Variants in TRPM4 observed in about 807,000 individuals in gnomAD.
TRPM4 encodes the protein calcium-activated non-selective cation channel 1.
In TRPM4, 124 loss-of-function variants were observed where a neutral mutation model predicts 135.6. The observed-to-expected ratio is 0.91, with a 90% confidence interval of 0.79 to 1.06. The LOEUF (loss-of-function observed/expected upper bound fraction) is 1.06. TRPM4 is among the 50% of genes least tolerant of loss of function. The pLI is 0.00. For synonymous variants in TRPM4, 745 were observed against 705.6 expected (o/e 1.06, Z -0.88); for missense variants, 1,658 against 1,671.4 (o/e 0.99, Z 0.14).
rs1365858334 is a variant in TRPM4 at position 49,188,894 on chromosome 19, C to A, written c.1874-52C>A. On this transcript the variant is annotated intron_variant, in intron 13 of 24. Transcript: ENST00000252826. ...AATTCCCTTACCTCTCCCTTCACAC[C>A]CTCACCCTACTCCTTCCCATCCCTG... The A allele has an allele frequency of 3.1e-6, 5 of 1,613,414 alleles. No homozygotes were observed. The East Asian group carries it at 6.7e-5, about 22-fold the overall frequency.
rs774339771 is a variant in TRPM4 at position 49,196,883 on chromosome 19, C to A, written c.2645+9C>A. On this transcript the variant is annotated intron_variant, in intron 17 of 24. Transcript: ENST00000252826. ...CTGGGCGTGGGCTGCCGGTGAGTGC[C>A]CCGGGGCCTTGGAACCCTGGCCCCT... 6 of 1,570,744 alleles carry A rather than the reference C, an allele frequency of 3.8e-6. No individual in the cohort carries two copies. The highest frequency in any genetic ancestry group is 2.0e-4 in the Middle Eastern group (1 of 4,900).
intron 9 of TRPM4, among the ~76,000 whole-genome samples, chr19:49,174,256 G>A (rs1022679500): frequency 4.6e-5 from 7 of 152,100 alleles, no homozygotes; most frequent in African/African-American, 9.7e-5. Flanking sequence ...GGGTTCAAGC[G>A]ATTCTCCTGC....
chr19:49,197,641 G>C (rs1968746826), intron 17 of TRPM4, among the ~76,000 whole-genome samples: 1 of 150,398 alleles, frequency 6.6e-6, no homozygotes, highest in Non-Finnish European at 1.5e-5. Flanking sequence ...GATACAACCT[G>C]GTGACTGGTT....
intron 20 of TRPM4, among the ~76,000 whole-genome samples, chr19:49,207,852 A>G (rs1969206136): frequency 6.6e-6 from 1 of 152,036 alleles, no homozygotes; most frequent in Non-Finnish European, 1.5e-5. Context: ...AAAGAGATCA[A>G]AGAAAAGACA....
intron 16 of TRPM4, among the ~76,000 whole-genome samples, chr19:49,195,355 T>TTTC (rs748392398): frequency 7.7e-4 from 117 of 152,198 alleles, no homozygotes; most frequent in African/African-American, 2.7e-3. Context: ...TCTATGGTCT[T>TTTC]TTCTTCTTCT....
rs1967293399 is a variant in TRPM4 at position 49,168,026 on chromosome 19, G to T, written c.377G>T (p.Gly126Val). 5 of 1,613,216 alleles carry T rather than the reference G, an allele frequency of 3.1e-6. No individual in the cohort carries two copies. The South Asian group carries it at 5.5e-5, about 18-fold the overall frequency. The stretch of plus-strand genomic sequence containing the variant: ...GTGGTGTCAGTGCTGGGGGGATCGG[G>T]GGGCCCCGTCCTCCAGACCTGGCTG... ...NLVVSVLGGSGGPVLQTWLQD... is the reference protein window; with the variant it reads ...NLVVSVLGGSVGPVLQTWLQD... Residue 126 changes from glycine to valine, a missense_variant, in exon 4 of 25, where the codon GGG (glycine) becomes GTG (valine). This residue lies in a region of TRPM4 where 239 missense variants were observed against 240.1 expected (regional missense o/e 1.00). Transcript: ENST00000252826.
At chr19:49,195,469 C>G (rs1968595350) in intron 16 of TRPM4, among the ~76,000 whole-genome samples, 1 of 152,182 alleles carries the variant, frequency 6.6e-6, no homozygotes, top group Admixed American at 6.6e-5. Context: ...CTCCCGGGTT[C>G]AAGCGATTCT....
At chr19:49,182,456 CCATCCATCCATCCAT>C (rs1968009761) in intron 10 of TRPM4, 107 bp from the exon 11 acceptor site, 11 of 274,084 alleles carry the variant, frequency 4.0e-5, no homozygotes, top group East Asian at 4.0e-4. Context: ...ATCCACCCAT[CCATCCATCCATCCAT>C]CCATCCATCC....
intron 12 of TRPM4, among the ~76,000 whole-genome samples, chr19:49,187,513 T>TA (rs543057028): frequency 0.023 from 3,381 of 145,202 alleles, 112 homozygotes; most frequent in African/African-American, 0.078. Flanking sequence ...CCTGGCTAAC[T>TA]AAAAAAAAAA....
chr19:49,210,389 G>A lies in TRPM4; in HGVS notation c.3312G>A (p.Pro1104=), dbSNP rs761032026. The change falls in exon 21 of 25, where the codon CCG becomes CCA. Residue 1104 remains proline (P), a synonymous_variant. Coordinates refer to ENST00000252826, the MANE Select transcript of TRPM4 (RefSeq NM_017636.4). This position sits in a 1 kb window ranked among gnomAD's most constrained non-coding sequence, Gnocchi z 4.1. ...CCCGGAGCCCCCAGCCGTCCTCCCCGGCCCTCGAGCATTTCCGTAAGAACA... is the reference window on the plus strand; with the variant it reads ...CCCGGAGCCCCCAGCCGTCCTCCCCAGCCCTCGAGCATTTCCGTAAGAACA... The part of the protein sequence containing the change: ...RRPRSPQPSS[P]ALEHFRVYLS... 2 of 1,613,740 alleles carry A rather than the reference G, an allele frequency of 1.2e-6. No individual in the cohort carries two copies. The highest frequency in any genetic ancestry group is 1.1e-5 in the South Asian group (1 of 91,082).
chr19:49,211,594 G>A lies in TRPM4; in HGVS notation c.*96G>A, dbSNP rs1353309917. ...CTCGGCCCCCGCACCTGGTGGCCTT[G>A]TCCTTGAGGTGAGCCCCATGTCCAT... is the stretch of plus-strand genomic sequence containing the variant. On this transcript the variant is annotated 3_prime_UTR_variant, in exon 25 of 25. Transcript: ENST00000252826. This position sits in a 1 kb window ranked among gnomAD's most constrained non-coding sequence, Gnocchi z 4.8. 6.6e-6 allele frequency: 10 copies of A among 1,513,752 alleles called. No individual in the cohort carries two copies. The East Asian group carries it at 1.4e-4, about 20-fold the overall frequency. The allele number at this position is 1,513,752 out of a possible 1,614,324, so 93.8% of individuals were successfully genotyped here.
At chr19:49,207,747 T>G (rs1969203569) in intron 20 of TRPM4, among the ~76,000 whole-genome samples, 2 of 151,272 alleles carry the variant, frequency 1.3e-5, no homozygotes, top group South Asian at 4.2e-4. Flanking sequence ...GAGACCATCC[T>G]GGCTAACACG....
At chr19:49,178,904 G>A (rs929944295) in intron 9 of TRPM4, among the ~76,000 whole-genome samples, 3 of 147,024 alleles carry the variant, frequency 2.0e-5, no homozygotes, top group African/African-American at 5.1e-5. Context: ...CACTACAGGC[G>A]CCCGCCACCA....
intron 12 of TRPM4, among the ~76,000 whole-genome samples, chr19:49,186,688 A>G (rs551811072): frequency 9.2e-5 from 14 of 152,180 alleles, no homozygotes; most frequent in Middle Eastern, 3.4e-3. Context: ...CCTGACCAAC[A>G]TGGAGAAACC....
chr19:49,169,149 G>A (rs1057485587), intron 6 of TRPM4, among the ~76,000 whole-genome samples: 2 of 151,394 alleles, frequency 1.3e-5, no homozygotes, highest in East Asian at 3.9e-4. Context: ...GCAGTGAGCC[G>A]AGATCAAGCC....
At chr19:49,197,374 CTTTT>C (rs1968727692) in intron 17 of TRPM4, among the ~76,000 whole-genome samples, 6 of 109,898 alleles carry the variant, frequency 5.5e-5, no homozygotes, top group African/African-American at 2.1e-4. Flanking sequence ...CTCTCTCTTT[CTTTT>C]CTTTCTTTCT....
intron 12 of TRPM4, among the ~76,000 whole-genome samples, chr19:49,183,457 C>T (rs921375084): frequency 6.6e-6 from 1 of 152,220 alleles, no homozygotes; most frequent in Non-Finnish European, 1.5e-5. Flanking sequence ...AGTGCAGTGG[C>T]GCAATCTTGG....
chr19:49,201,841 C>T (rs1389086891), intron 19 of TRPM4, 123 bp from the exon 20 acceptor site: 2 of 983,830 alleles, frequency 2.0e-6, no homozygotes, highest in South Asian at 2.6e-5. Context: ...CTCAGGTGAT[C>T]CGGCCATCTC....
At chr19:49,184,430 G>C (rs2122951598) in intron 12 of TRPM4, among the ~76,000 whole-genome samples, 1 of 124,428 alleles carries the variant, frequency 8.0e-6, no homozygotes, top group South Asian at 2.6e-4. Flanking sequence ...GTTTCTATTT[G>C]GTTCATTTCT....
Sources: gnomAD v4.1 joint callset for allele counts (sites outside exome capture counted in the v4.1 genomes callset) on GRCh38, gnomAD v4.1.1 for gene constraint, gnomAD v4.1.1 regional missense constraint, Gnocchi (gnomAD v3.1) non-coding constraint, MANE v1.5 for transcripts, NCBI Gene and HGNC (gene_info 2026-07-23, HGNC 2026-07-21) for gene names.